CHLSN: variants seen among roughly 807,000 people sequenced by gnomAD.
CHLSN encodes protein cholesin.
the CHLSN span, among the ~76,000 whole-genome samples, chr7:1,125,000 GCAGTGA>G: frequency 6.6e-6 from 1 of 152,198 alleles, no homozygotes; most frequent in Non-Finnish European, 1.5e-5. Context: ...CCGGGGGGTG[GCAGTGA>G]GAGACGACCC....
the CHLSN span, chr7:1,026,500 C>T: frequency 1.3e-5 from 2 of 152,212 alleles, no homozygotes; most frequent in Admixed American, 6.5e-5. Flanking sequence ...CAGTCGGAGG[C>T]GGCGTTGTTT....
chr7:1,096,382 C>A, the CHLSN span, among the ~76,000 whole-genome samples: 1 of 152,198 alleles, frequency 6.6e-6, no homozygotes, highest in Non-Finnish European at 1.5e-5. This position sits in a 1 kb window ranked among gnomAD's most constrained non-coding sequence, Gnocchi z 4.6. Flanking sequence ...ACACTGAGGT[C>A]CCCACGCAGT....
chr7:1,093,017 GC>G, the CHLSN span: 1 of 745,654 alleles, frequency 1.3e-6, no homozygotes, highest in South Asian at 1.5e-5. Context: ...TCACCCTGGG[GC>G]TGCTTAGGAA....
the CHLSN span, among the ~76,000 whole-genome samples, chr7:1,114,778 G>C: frequency 1.3e-5 from 2 of 152,272 alleles, no homozygotes; most frequent in Admixed American, 6.5e-5. Flanking sequence ...GGGTGGCCCG[G>C]GAGCCATTCT....
chr7:1,108,475 G>A, the CHLSN span, among the ~76,000 whole-genome samples: 3 of 152,208 alleles, frequency 2.0e-5, no homozygotes, highest in African/African-American at 7.2e-5. Flanking sequence ...CGGACTCCAC[G>A]AATCTCACGG....
chr7:1,055,072 T>G, the CHLSN span, among the ~76,000 whole-genome samples: 1 of 143,066 alleles, frequency 7.0e-6, no homozygotes, highest in African/African-American at 2.6e-5. Flanking sequence ...CCCGCAGCGA[T>G]GCAGACAGGG....
chr7:1,016,126 GCAGCA>G, the CHLSN span, among the ~76,000 whole-genome samples: 1 of 89,862 alleles, frequency 1.1e-5, no homozygotes, highest in Non-Finnish European at 2.0e-5. Flanking sequence ...GCAGCACACA[GCAGCA>G]CACGCCAGCA....
chr7:1,094,127 C>T, the CHLSN span, among the ~76,000 whole-genome samples: 6 of 152,220 alleles, frequency 3.9e-5, no homozygotes, highest in Admixed American at 6.5e-5. Context: ...GGCTCTCGGC[C>T]GCGTGCGAGG....
At chr7:1,001,664 TGGGTGAGTGGAGTCCTGC>T in the CHLSN span, among the ~76,000 whole-genome samples, 1 of 80,498 alleles carries the variant, frequency 1.2e-5, no homozygotes. Flanking sequence ...TGGAGTCCTG[TGGGTGAGTGGAGTCCTGC>T]GGGTGGGGAG....
At chr7:1,107,026 C>A in the CHLSN span, among the ~76,000 whole-genome samples, 1 of 152,330 alleles carries the variant, frequency 6.6e-6, no homozygotes, top group East Asian at 1.9e-4. Flanking sequence ...AGCCTCCTTG[C>A]CTGCCCGCCC....
chr7:1,057,449 TG>T, the CHLSN span: 1 of 673,798 alleles, frequency 1.5e-6, no homozygotes, highest in Non-Finnish European at 2.7e-6. Context: ...GCCAGGGCTT[TG>T]GGACGGGACG....
chr7:1,006,411 G>A, the CHLSN span, among the ~76,000 whole-genome samples: 4 of 150,486 alleles, frequency 2.7e-5, no homozygotes, highest in African/African-American at 9.8e-5. Flanking sequence ...CCATACTGCA[G>A]GGAAAGAGCG....
chr7:1,092,865 G>C, the CHLSN span: 3 of 1,609,424 alleles, frequency 1.9e-6, no homozygotes, highest in Non-Finnish European at 2.5e-6. Context: ...AGACAGCCTT[G>C]GCCGCATAGG....
At chr7:1,094,168 T>C in the CHLSN span, among the ~76,000 whole-genome samples, 1 of 152,234 alleles carries the variant, frequency 6.6e-6, no homozygotes, top group Non-Finnish European at 1.5e-5. Context: ...CAAGCGCTCC[T>C]GGAGCAGCCG....
chr7:1,016,567 A>G, the CHLSN span, among the ~76,000 whole-genome samples: 32,259 of 108,168 alleles, frequency 0.3, 6,311 homozygotes, highest in African/African-American at 0.48. Context: ...AGCAGCGCAC[A>G]CCAGTACACA....
At chr7:1,053,719 C>T in the CHLSN span, among the ~76,000 whole-genome samples, 3 of 152,132 alleles carry the variant, frequency 2.0e-5, no homozygotes, top group African/African-American at 4.8e-5. Flanking sequence ...CCCAGCTATT[C>T]GGGAGGCTGA....
the CHLSN span, among the ~76,000 whole-genome samples, chr7:986,040 C>T: frequency 3.3e-5 from 5 of 152,166 alleles, no homozygotes; most frequent in African/African-American, 4.8e-5. Flanking sequence ...GGAGGCTGCA[C>T]GGCACTGCGT....
chr7:1,087,828 G>A, the CHLSN span, among the ~76,000 whole-genome samples: 2 of 152,202 alleles, frequency 1.3e-5, no homozygotes, highest in Non-Finnish European at 2.9e-5. Flanking sequence ...CTTCAACCCA[G>A]GAGGACAGGT....
the CHLSN span, among the ~76,000 whole-genome samples, chr7:993,746 C>T: frequency 1.3e-5 from 2 of 152,184 alleles, no homozygotes; most frequent in South Asian, 4.2e-4. Context: ...CACCGCACTC[C>T]AGCCTGGACG....
Sources: allele counts gnomAD v4.1 joint callset (sites outside exome capture counted in the v4.1 genomes callset), GRCh38; gene constraint gnomAD v4.1.1; non-coding constraint Gnocchi (gnomAD v3.1); transcripts MANE v1.5; gene names NCBI Gene and HGNC (gene_info 2026-07-23, HGNC 2026-07-21).